Variants in KANK1 observed in about 807,000 individuals in gnomAD.
The protein encoded by KANK1 is KN motif and ankyrin repeat domain-containing protein 1.
Under a neutral mutation model 106.2 loss-of-function variants are expected in KANK1, and 109 were observed. That is an observed-to-expected ratio of 1.03 (90% CI 0.88 to 1.20). KANK1 has a LOEUF of 1.20. Ranked by LOEUF, KANK1 falls within the 50% of genes most tolerant of loss-of-function variation. The pLI is 0.00. For missense variants in KANK1, 2,399 were observed against 1,710.7 expected (o/e 1.40, Z -7.10); for synonymous variants, 873 against 652.2 (o/e 1.34, Z -5.16).
chr9:534,361 C>T (rs986522182), intron 1 of KANK1, among the ~76,000 whole-genome samples: 7 of 152,070 alleles, frequency 4.6e-5, no homozygotes, highest in African/African-American at 1.7e-4. Flanking sequence ...AAAATTTGTG[C>T]CTTAATCACA....
chr9:590,525 TC>T (rs1306009293), intron 1 of KANK1, among the ~76,000 whole-genome samples: 2 of 152,194 alleles, frequency 1.3e-5, no homozygotes, highest in Non-Finnish European at 2.9e-5. Flanking sequence ...ATTAGAGACT[TC>T]ATGCAGTATG....
At chr9:658,899 C>T (rs993941531) in intron 1 of KANK1, among the ~76,000 whole-genome samples, 2 of 152,112 alleles carry the variant, frequency 1.3e-5, no homozygotes, top group African/African-American at 4.8e-5. Flanking sequence ...GTCTTAGTTT[C>T]AATGTTGTTT....
At chr9:583,863 TCAAC>T (rs1822788200) in intron 1 of KANK1, among the ~76,000 whole-genome samples, 1 of 152,000 alleles carries the variant, frequency 6.6e-6, no homozygotes, top group African/African-American at 2.4e-5. Flanking sequence ...TGCGAAGTGT[TCAAC>T]CCCAAAGATA....
Position 538,178 on chromosome 9 carries a change from T to TAA in KANK1, c.-84+33435_-84+33436dup, listed in dbSNP as rs60128725. ...CTCTCAGCCCCTTCTTTCTCGTCTG[T>TAA]AAAAAAAAAAAAGTTAATAATAGTG... On this transcript the variant is annotated intron_variant, in intron 1 of 11. Transcript: ENST00000382297. Among the ~76,000 whole-genome samples the TAA allele has an allele frequency of 1.4e-3, 200 of 147,830 alleles. 3 individuals are homozygous for TAA. The highest frequency in any genetic ancestry group is 4.6e-3 in the African/African-American group (187 of 40,588).
intron 3 of KANK1, among the ~76,000 whole-genome samples, chr9:493,436 C>G (rs1228159320): frequency 1.3e-5 from 2 of 151,828 alleles, no homozygotes; most frequent in African/African-American, 4.9e-5. Context: ...CTGATTGCAA[C>G]CTTATCAGAG....
chr9:596,809 A>G (rs182042106), intron 1 of KANK1, among the ~76,000 whole-genome samples: 107 of 151,972 alleles, frequency 7.0e-4, no homozygotes, highest in Admixed American at 2.2e-3. Flanking sequence ...TAGTACATTC[A>G]TAATATTGTG....
intron 1 of KANK1, among the ~76,000 whole-genome samples, chr9:644,909 T>G (rs750634248): frequency 3.4e-4 from 51 of 150,918 alleles, no homozygotes; most frequent in Admixed American, 2.4e-3. Context: ...TTGCCTGAGC[T>G]CAGGAGTTCA....
intron 1 of KANK1, among the ~76,000 whole-genome samples, chr9:548,405 T>C (rs879639454): frequency 9.8e-5 from 15 of 152,298 alleles, no homozygotes; most frequent in Non-Finnish European, 1.5e-4. Flanking sequence ...TTGTTGTACG[T>C]GAACTTGGTA....
chr9:652,163 A>C (rs1303780614), intron 1 of KANK1, among the ~76,000 whole-genome samples: 1 of 152,126 alleles, frequency 6.6e-6, no homozygotes, highest in Non-Finnish European at 1.5e-5. Context: ...AATTATTGCA[A>C]ATATGTGTTT....
chr9:631,343 C>A (rs995840268), intron 1 of KANK1, among the ~76,000 whole-genome samples: 1 of 152,176 alleles, frequency 6.6e-6, no homozygotes, highest in Admixed American at 6.5e-5. Context: ...CCTGGGCAGC[C>A]TTAACCAGGA....
At chr9:659,642 G>A (rs9408654) in intron 1 of KANK1, among the ~76,000 whole-genome samples, 127,268 of 151,826 alleles carry the variant, frequency 0.84, 53,475 homozygotes, top group East Asian at 0.97. Flanking sequence ...GAAACTTACA[G>A]TCATGGTGGA....
chr9:608,022 A>ATTTTTTTTTTT (rs1451924370), intron 1 of KANK1, among the ~76,000 whole-genome samples: 1 of 70,846 alleles, frequency 1.4e-5, no homozygotes, highest in Non-Finnish European at 3.0e-5. Context: ...AATTATTATT[A>ATTTTTTTTTTT]TTATTATTAT....
intron 3 of KANK1, among the ~76,000 whole-genome samples, chr9:720,407 C>T (rs1182583997): frequency 6.6e-6 from 1 of 152,190 alleles, no homozygotes; most frequent in Non-Finnish European, 1.5e-5. Flanking sequence ...TGCAGTGGTG[C>T]AATCATAGCT....
chr9:495,573 A>G (rs952988322), intron 3 of KANK1: 4 of 152,166 alleles, frequency 2.6e-5, no homozygotes, highest in African/African-American at 7.2e-5. Context: ...TGCACTTCAT[A>G]TATCAAGGAG....
At chr9:707,085 G>T in intron 2 of KANK1, 1 of 985,478 alleles carries the variant, frequency 1.0e-6, no homozygotes. Flanking sequence ...GCCGGTGAAA[G>T]CTCAGCCTAT....
At position 556,784 on chromosome 9, in the gene KANK1, C is replaced by T. The variant is rs531825591; in HGVS notation, c.-84+52030C>T. Among the ~76,000 whole-genome samples the T allele has an allele frequency of 2.6e-5, 4 of 152,246 alleles. No homozygotes were observed. The South Asian group carries it at 6.2e-4, about 24-fold the overall frequency. On this transcript the variant is annotated intron_variant, in intron 1 of 11. Coordinates refer to ENST00000382297, the MANE Select transcript of KANK1 (RefSeq NM_015158.5). ...TTTCCACTTTCTTGGGCCAGACCTC[C>T]AATTTAATTCTTTTAGTTGAATGAG...
chr9:585,939 A>T (rs1201153778), intron 1 of KANK1, among the ~76,000 whole-genome samples: 1 of 152,188 alleles, frequency 6.6e-6, no homozygotes, highest in African/African-American at 2.4e-5. Context: ...TGGAAGAGAA[A>T]ATCATTATCA....
intron 1 of KANK1, among the ~76,000 whole-genome samples, chr9:648,286 GC>G (rs1840155715): frequency 6.6e-6 from 1 of 151,926 alleles, no homozygotes; most frequent in African/African-American, 2.4e-5. Context: ...ACAGGCGTGA[GC>G]CACCACGCCT....
intron 1 of KANK1, among the ~76,000 whole-genome samples, chr9:509,321 C>T (rs1299555932): frequency 6.6e-6 from 1 of 152,198 alleles, no homozygotes; most frequent in African/African-American, 2.4e-5. Context: ...TGGTCTCCAT[C>T]TCCTGACCTC....
Sources: allele counts gnomAD v4.1 joint callset (sites outside exome capture counted in the v4.1 genomes callset), GRCh38; gene constraint gnomAD v4.1.1; transcripts MANE v1.5; gene names NCBI Gene and HGNC (gene_info 2026-07-23, HGNC 2026-07-21).